ANKRD44: variants seen among roughly 807,000 people sequenced by gnomAD.
The protein encoded by ANKRD44 is ankyrin repeat domain 44, also known as serine/threonine-protein phosphatase 6 regulatory ankyrin repeat subunit B.
In ANKRD44, 35 loss-of-function variants were observed where a neutral mutation model predicts 116.0. The observed-to-expected ratio is 0.30, with a 90% confidence interval of 0.23 to 0.40. ANKRD44 has a LOEUF of 0.40. Among genes scored for constraint, ANKRD44 ranks in the 10% least tolerant of loss-of-function variants. ANKRD44 has a pLI of 1.00. For synonymous variants in ANKRD44, 435 were observed against 461.8 expected (o/e 0.94, Z 0.74); for missense variants, 1,014 against 1,242.6 (o/e 0.82, Z 2.77).
At chr2:197,018,610 C>A (rs1268634462) in intron 17 of ANKRD44, among the ~76,000 whole-genome samples, 1 of 152,138 alleles carries the variant, frequency 6.6e-6, no homozygotes, top group Non-Finnish European at 1.5e-5. Flanking sequence ...AAACTGATAT[C>A]AATGGATATC....
chr2:196,974,029 G>A (rs58719755), intron 21 of ANKRD44, among the ~76,000 whole-genome samples: 21,759 of 151,854 alleles, frequency 0.14, 1,618 homozygotes, highest in African/African-American at 0.18. Flanking sequence ...AAATCAGTAC[G>A]AGATGGAAAT....
chr2:197,110,000 A>G (rs909649945), intron 9 of ANKRD44, among the ~76,000 whole-genome samples: 12 of 151,176 alleles, frequency 7.9e-5, no homozygotes, highest in Non-Finnish European at 1.0e-4. Flanking sequence ...TTTTTAAGAC[A>G]AAGTCTCGCT....
chr2:197,042,813 C>T (rs1412041909), intron 16 of ANKRD44, among the ~76,000 whole-genome samples: 1 of 152,020 alleles, frequency 6.6e-6, no homozygotes, highest in Non-Finnish European at 1.5e-5. Flanking sequence ...GAGGCATTTT[C>T]AGTAAATGCA....
chr2:197,043,480 T>A (rs572524861), intron 16 of ANKRD44, among the ~76,000 whole-genome samples: 50 of 152,314 alleles, frequency 3.3e-4, no homozygotes, highest in African/African-American at 1.1e-3. Flanking sequence ...AGCACTGAGA[T>A]GACAAGCATG....
intron 1 of ANKRD44, among the ~76,000 whole-genome samples, chr2:197,290,744 T>A (rs1417190721): frequency 1.3e-5 from 2 of 152,220 alleles, no homozygotes; most frequent in African/African-American, 4.8e-5. Context: ...TCTTAGCATC[T>A]CAGGATCACA....
chr2:197,279,767 T>C (rs1183782083), intron 1 of ANKRD44, among the ~76,000 whole-genome samples: 1 of 152,076 alleles, frequency 6.6e-6, no homozygotes, highest in Non-Finnish European at 1.5e-5. Flanking sequence ...ATGTGCTCAC[T>C]CTCCTGCACT....
chr2:197,215,694 T>A (rs1308357774), intron 1 of ANKRD44, among the ~76,000 whole-genome samples: 1 of 152,218 alleles, frequency 6.6e-6, no homozygotes, highest in African/African-American at 2.4e-5. Flanking sequence ...CTTTAAATGA[T>A]ATATATTTAA....
intron 16 of ANKRD44, among the ~76,000 whole-genome samples, chr2:197,033,676 T>TG (rs1251093150): frequency 5.3e-5 from 8 of 151,344 alleles, no homozygotes; most frequent in Non-Finnish European, 1.2e-4. Context: ...CTTTTTTTTT[T>TG]TTTAAGTATT....
chr2:197,258,270 CTTTTTTTT>C (rs71395680), intron 1 of ANKRD44, among the ~76,000 whole-genome samples: 4 of 79,222 alleles, frequency 5.0e-5, no homozygotes, highest in Non-Finnish European at 6.5e-5. Flanking sequence ...TTGGCTAATC[CTTTTTTTT>C]TTTTTTTTTT....
chr2:197,116,706 C>A (rs1040295703), intron 8 of ANKRD44, among the ~76,000 whole-genome samples: 4 of 152,134 alleles, frequency 2.6e-5, no homozygotes, highest in African/African-American at 9.7e-5. Context: ...TCTCCTTGGG[C>A]GGTCTCGTCC....
intron 17 of ANKRD44, among the ~76,000 whole-genome samples, chr2:197,020,813 T>TA (rs1188949910): frequency 0.036 from 5,368 of 151,184 alleles, 335 homozygotes; most frequent in African/African-American, 0.12. Context: ...TTTATTATTA[T>TA]TATACTTTAA....
At chr2:197,154,141 AC>A (rs1324798653) in intron 2 of ANKRD44, among the ~76,000 whole-genome samples, 16 of 151,558 alleles carry the variant, frequency 1.1e-4, no homozygotes, top group Admixed American at 1.1e-3. Context: ...CCTTTTCCTA[AC>A]ATCCTCGCCA....
intron 16 of ANKRD44, among the ~76,000 whole-genome samples, chr2:197,038,190 T>A (rs1441634637): frequency 1.3e-5 from 2 of 152,124 alleles, no homozygotes; most frequent in Non-Finnish European, 2.9e-5. Flanking sequence ...GGTCCATCAC[T>A]TGTAACAAAT....
At chr2:197,066,353 G>A (rs1034155453) in intron 16 of ANKRD44, among the ~76,000 whole-genome samples, 2 of 152,110 alleles carry the variant, frequency 1.3e-5, no homozygotes, top group African/African-American at 4.8e-5. Context: ...GGCAAAAACT[G>A]GAAGTATTCC....
intron 1 of ANKRD44, among the ~76,000 whole-genome samples, chr2:197,272,490 C>G (rs1211442556): frequency 6.6e-6 from 1 of 152,236 alleles, no homozygotes; most frequent in South Asian, 2.1e-4. Context: ...CCCGCCTTGG[C>G]CTCCCAAAGT....
chr2:197,059,033 AT>A (rs11318594), intron 16 of ANKRD44, among the ~76,000 whole-genome samples: 108,650 of 151,900 alleles, frequency 0.72, 40,425 homozygotes, highest in East Asian at 0.86. Flanking sequence ...AATAATTTTC[AT>A]CTAGATGATA....
chr2:197,019,495 G>T (rs542595242), intron 17 of ANKRD44, among the ~76,000 whole-genome samples: 1 of 152,190 alleles, frequency 6.6e-6, no homozygotes, highest in East Asian at 1.9e-4. Context: ...TTCCCATTTT[G>T]CCCAGGATGA....
intron 1 of ANKRD44, among the ~76,000 whole-genome samples, chr2:197,290,339 C>T (rs1005937102): frequency 1.3e-5 from 2 of 152,078 alleles, no homozygotes; most frequent in Admixed American, 6.5e-5. Context: ...ATTTGCATTT[C>T]CCTGATGGTT....
At chr2:197,194,633 G>A (rs1421518772) in intron 1 of ANKRD44, among the ~76,000 whole-genome samples, 1 of 151,948 alleles carries the variant, frequency 6.6e-6, no homozygotes, top group African/African-American at 2.4e-5. Flanking sequence ...ACCTCCTATG[G>A]AGAAATATTA....
Sources: gnomAD v4.1 joint callset for allele counts (sites outside exome capture counted in the v4.1 genomes callset) on GRCh38, gnomAD v4.1.1 for gene constraint, MANE v1.5 for transcripts, NCBI Gene and HGNC (gene_info 2026-07-23, HGNC 2026-07-21) for gene names.